Variants in SLC44A1 observed in about 807,000 individuals in gnomAD.
The protein encoded by SLC44A1 is choline transporter-like protein 1.
SLC44A1 carries 26 observed loss-of-function variants against 79.3 expected under a neutral mutation model. The ratio of observed to expected loss-of-function variants is 0.33; its 90% CI spans 0.24 to 0.46. The LOEUF is 0.46. Ranked by LOEUF, SLC44A1 falls within the 20% of genes least tolerant of loss-of-function variation. The pLI, the probability that SLC44A1 is intolerant of heterozygous loss-of-function variation, is 1.00. For synonymous variants in SLC44A1, 263 were observed against 286.2 expected (o/e 0.92, Z 0.82); for missense variants, 688 against 798.1 (o/e 0.86, Z 1.66).
rs74704628 is a variant in SLC44A1, at chr9:105,309,929, G to A, written c.269+63G>A. On this transcript the variant is annotated intron_variant, in intron 3 of 15. Coordinates refer to ENST00000374720, the MANE Select transcript of SLC44A1 (RefSeq NM_080546.5). Reference sequence around the variant, plus strand: ...TTGAAAGAGGCACAGAGAAAATCCTGCTGTTCTTGCTGTTTTAAAGATAAT... The same window carrying A: ...TTGAAAGAGGCACAGAGAAAATCCTACTGTTCTTGCTGTTTTAAAGATAAT... 1.2e-4 allele frequency: 174 copies of A among 1,481,476 alleles called. No individual in the cohort carries two copies. In the East Asian group the frequency reaches 3.7e-3, roughly 32 times the overall value. 91.8% of individuals were successfully genotyped at this position (1,481,476 alleles called of 1,614,324 possible).
rs760443109 is a variant in SLC44A1 at position 105,378,524 on chromosome 9, A to G, written c.1632+3789A>G. Among the ~76,000 whole-genome samples the G allele has an allele frequency of 2.9e-4, 44 of 152,190 alleles. 1 individual carries two copies. Among genetic ancestry groups the G allele is most frequent in the Admixed American group, 2.7e-3 (41 of 15,286 alleles). ...CAGAATCCTAGAATTAGAATTAATTAGGGTTCTTGATGTGCATTGCCAGAT... is the reference window on the plus strand; with the variant it reads ...CAGAATCCTAGAATTAGAATTAATTGGGGTTCTTGATGTGCATTGCCAGAT... On this transcript the variant is annotated intron_variant, in intron 13 of 15. Coordinates refer to ENST00000374720, the MANE Select transcript of SLC44A1 (RefSeq NM_080546.5).
chr9:105,278,858 T>C (rs1401734287), intron 1 of SLC44A1, among the ~76,000 whole-genome samples: 1 of 152,246 alleles, frequency 6.6e-6, no homozygotes, highest in Non-Finnish European at 1.5e-5. Flanking sequence ...GCTTTCTCTT[T>C]AATCATGAGA....
In SLC44A1 at chr9:105,375,678, C is replaced by T. The variant is rs570077201; in HGVS notation, c.1632+943C>T. ...ATATATAAGCCCCTTCAAAATAGAGCTGTTAGAGAACGAGACTTATACTTT... is the reference window on the plus strand; with the variant it reads ...ATATATAAGCCCCTTCAAAATAGAGTTGTTAGAGAACGAGACTTATACTTT... On this transcript the variant is annotated intron_variant, in intron 13 of 15. Coordinates refer to ENST00000374720, the MANE Select transcript of SLC44A1 (RefSeq NM_080546.5). Among the ~76,000 whole-genome samples, 7 of 152,274 alleles carry T rather than the reference C, an allele frequency of 4.6e-5. No individual in the cohort carries two copies. The South Asian group carries it at 1.5e-3, about 32-fold the overall frequency.
intron 15 of SLC44A1, among the ~76,000 whole-genome samples, chr9:105,410,475 G>A (rs1225584617): frequency 6.6e-6 from 1 of 152,138 alleles, no homozygotes; most frequent in Non-Finnish European, 1.5e-5. Flanking sequence ...ATAAAGAGAT[G>A]CTCAATGTCA....
chr9:105,414,412 T>G (rs548923198), intron 15 of SLC44A1, among the ~76,000 whole-genome samples: 1 of 152,328 alleles, frequency 6.6e-6, no homozygotes, highest in African/African-American at 2.4e-5. Flanking sequence ...TCATTAAAGT[T>G]CCTAAGAATG....
intron 3 of SLC44A1, among the ~76,000 whole-genome samples, chr9:105,326,216 G>A (rs368296843): frequency 2.6e-5 from 4 of 152,216 alleles, no homozygotes; most frequent in East Asian, 1.9e-4. Context: ...GACTACAGGC[G>A]TGTGTCACCA....
chr9:105,251,906 C>T (rs748786594), intron 1 of SLC44A1, among the ~76,000 whole-genome samples: 3 of 152,166 alleles, frequency 2.0e-5, no homozygotes, highest in Non-Finnish European at 4.4e-5. Context: ...CGTAATTTTA[C>T]AGTTAATATT....
chr9:105,403,277 T>C (rs1476296653), intron 15 of SLC44A1, among the ~76,000 whole-genome samples: 3 of 152,152 alleles, frequency 2.0e-5, no homozygotes, highest in South Asian at 4.1e-4. Flanking sequence ...CAAAGATCGA[T>C]AGAATTTTAT....
intron 3 of SLC44A1, among the ~76,000 whole-genome samples, chr9:105,316,511 A>T (rs995445981): frequency 6.6e-6 from 1 of 152,310 alleles, no homozygotes; most frequent in Middle Eastern, 3.4e-3. Context: ...TGAATTATGG[A>T]TGGTTTTAAT....
intron 15 of SLC44A1, 38 bp from the exon 16 acceptor site, chr9:105,388,995 T>C (rs754218292): frequency 3.3e-6 from 5 of 1,502,292 alleles, no homozygotes; most frequent in Admixed American, 1.7e-5. Flanking sequence ...TTAATGGTAA[T>C]TGTCTAAGAT....
At chr9:105,332,118 C>CTTTTTTT (rs34173274) in intron 3 of SLC44A1, among the ~76,000 whole-genome samples, 3 of 128,242 alleles carry the variant, frequency 2.3e-5, no homozygotes, top group Non-Finnish European at 5.0e-5. Context: ...TTCTTTGTTT[C>CTTTTTTT]TTTTTTTTTT....
intron 15 of SLC44A1, among the ~76,000 whole-genome samples, chr9:105,426,176 A>C (rs1020862733): frequency 2.0e-5 from 3 of 152,188 alleles, no homozygotes; most frequent in Non-Finnish European, 4.4e-5. Flanking sequence ...TAATACTTCA[A>C]AATAAAATCT....
At chr9:105,328,629 C>T (rs1369742738) in intron 3 of SLC44A1, among the ~76,000 whole-genome samples, 1 of 152,172 alleles carries the variant, frequency 6.6e-6, no homozygotes, top group East Asian at 1.9e-4. Context: ...ATTTTCAGCT[C>T]TCAGTGCTGT....
intron 13 of SLC44A1, among the ~76,000 whole-genome samples, chr9:105,376,857 T>C (rs900636165): frequency 6.6e-6 from 1 of 152,222 alleles, no homozygotes; most frequent in African/African-American, 2.4e-5. Flanking sequence ...ACTAGTATTA[T>C]CTTTGGTTTT....
At chr9:105,298,751 A>G (rs2131287291) in intron 1 of SLC44A1, among the ~76,000 whole-genome samples, 2 of 152,308 alleles carry the variant, frequency 1.3e-5, no homozygotes, top group East Asian at 3.9e-4. Flanking sequence ...GGACACACAA[A>G]GAAAAAGCTA....
At chr9:105,326,985 G>T (rs1181388461) in intron 3 of SLC44A1, among the ~76,000 whole-genome samples, 1 of 152,202 alleles carries the variant, frequency 6.6e-6, no homozygotes, top group African/African-American at 2.4e-5. Context: ...ACAGAATTGA[G>T]CAGGATTCCA....
intron 15 of SLC44A1, among the ~76,000 whole-genome samples, chr9:105,415,976 G>A (rs1341952027): frequency 1.4e-5 from 2 of 144,024 alleles, no homozygotes; most frequent in African/African-American, 2.6e-5. Context: ...ATGTCGGCTC[G>A]CTGCAACCTC....
chr9:105,345,804 T>C (rs981038254), intron 4 of SLC44A1, among the ~76,000 whole-genome samples: 2 of 152,100 alleles, frequency 1.3e-5, no homozygotes, highest in African/African-American at 4.8e-5. Context: ...CTCATTTTGG[T>C]AGTCTTTGAG....
At chr9:105,398,375 A>C (rs373964647), downstream of SLC44A1, among the ~76,000 whole-genome samples, 8 of 152,316 alleles carry the variant, frequency 5.3e-5, no homozygotes, top group East Asian at 1.2e-3. Flanking sequence ...TTACAGAATA[A>C]TCGTGAGGAG....
Sources: gnomAD v4.1 joint callset for allele counts (sites outside exome capture counted in the v4.1 genomes callset) on GRCh38, gnomAD v4.1.1 for gene constraint, MANE v1.5 for transcripts, NCBI Gene and HGNC (gene_info 2026-07-23, HGNC 2026-07-21) for gene names.